CNTN5: variants seen among roughly 807,000 people sequenced by gnomAD.
CNTN5 encodes contactin-5.
In CNTN5, 77 loss-of-function variants were observed where a neutral mutation model predicts 129.1. The ratio of observed to expected loss-of-function variants is 0.60; its 90% CI spans 0.50 to 0.72. CNTN5 has a LOEUF of 0.72. Ranked by LOEUF, CNTN5 falls within the 30% of genes least tolerant of loss-of-function variation. The probability of loss-of-function intolerance (pLI) is 0.00; values close to 1 mark genes in which losing one functional copy is unlikely to be tolerated. For synonymous variants in CNTN5, 509 were observed against 465.6 expected, an observed-to-expected ratio of 1.09 and a Z score of -1.20; for missense variants, 1,478 against 1,328.8, an observed-to-expected ratio of 1.11 and a Z score of -1.75.
At chr11:99,236,608 A>G (rs2135744281) in intron 1 of CNTN5, among the ~76,000 whole-genome samples, 1 of 152,238 alleles carries the variant, frequency 6.6e-6, no homozygotes, top group Middle Eastern at 3.4e-3. Flanking sequence ...TCTCATTGGT[A>G]AAATGCAGAT....
chr11:99,779,362 T>C (rs1945234724), intron 3 of CNTN5, among the ~76,000 whole-genome samples: 2 of 152,006 alleles, frequency 1.3e-5, no homozygotes, highest in Admixed American at 1.3e-4. Context: ...GCAAAGTAGT[T>C]ATAAAATTTG....
In CNTN5 at chr11:100,196,947, C is replaced by T. The variant is rs556058518; in HGVS notation, c.1884+3284C>T. Among the ~76,000 whole-genome samples, 3 of 152,054 alleles carry T rather than the reference C, an allele frequency of 2.0e-5. No homozygotes were observed. In the East Asian group the frequency reaches 5.8e-4, roughly 29 times the overall value. ...AAAATAAAAGGCATAGCCCTTCACA[C>T]CTAAGAGAGCACCATTTAAGGGTAG... On this transcript the variant is annotated intron_variant, in intron 15 of 24. Coordinates refer to ENST00000524871, the MANE Select transcript of CNTN5 (RefSeq NM_014361.4).
chr11:99,952,696 C>A (rs1291481131), intron 7 of CNTN5, among the ~76,000 whole-genome samples: 1 of 151,656 alleles, frequency 6.6e-6, no homozygotes, highest in Non-Finnish European at 1.5e-5. Flanking sequence ...TGTGCCTGGA[C>A]AAAAGTTATA....
chr11:99,232,323 C>T (rs1297246532), intron 1 of CNTN5, among the ~76,000 whole-genome samples: 1 of 152,044 alleles, frequency 6.6e-6, no homozygotes, highest in East Asian at 1.9e-4. Context: ...TCTCTTATTT[C>T]CTTGAGCAGT....
chr11:99,698,969 T>C (rs577023582), intron 3 of CNTN5, among the ~76,000 whole-genome samples: 1 of 150,916 alleles, frequency 6.6e-6, no homozygotes, highest in African/African-American at 2.4e-5. Context: ...GAGCTACTCT[T>C]GTGAGCATAA....
chr11:99,952,435 T>G (rs1950698762), intron 7 of CNTN5, among the ~76,000 whole-genome samples: 1 of 152,166 alleles, frequency 6.6e-6, no homozygotes, highest in South Asian at 2.1e-4. Flanking sequence ...GCTCCTGACA[T>G]ATACTCTCCT....
chr11:99,093,447 T>G (rs1162415117), intron 1 of CNTN5, among the ~76,000 whole-genome samples: 2 of 149,934 alleles, frequency 1.3e-5, no homozygotes, highest in African/African-American at 2.5e-5. Flanking sequence ...GTTTTTCTGT[T>G]TTTTTTTTTA....
At chr11:99,601,321 A>T (rs77074301) in intron 3 of CNTN5, among the ~76,000 whole-genome samples, 2,184 of 152,258 alleles carry the variant, frequency 0.014, 55 homozygotes, top group African/African-American at 0.049. Flanking sequence ...CACTTAGTAA[A>T]TCATCAAACT....
At chr11:99,300,453 A>G (rs1864586815) in intron 1 of CNTN5, among the ~76,000 whole-genome samples, 1 of 151,942 alleles carries the variant, frequency 6.6e-6, no homozygotes, top group Non-Finnish European at 1.5e-5. Context: ...ATCCTTGCAT[A>G]CCTGGAATAA....
At chr11:100,167,459 A>T (rs1208691932) in intron 13 of CNTN5, among the ~76,000 whole-genome samples, 1 of 151,854 alleles carries the variant, frequency 6.6e-6, no homozygotes, top group African/African-American at 2.4e-5. Flanking sequence ...ATCTGGGTCA[A>T]TCCTCATGTT....
At chr11:100,183,642 A>G (rs1212180081) in intron 13 of CNTN5, among the ~76,000 whole-genome samples, 2 of 152,168 alleles carry the variant, frequency 1.3e-5, no homozygotes, top group Non-Finnish European at 2.9e-5. Flanking sequence ...GGGGGAATGC[A>G]AGGGAACACA....
chr11:100,152,700 ACCTG>A, intron 13 of CNTN5, among the ~76,000 whole-genome samples: 1 of 152,248 alleles, frequency 6.6e-6, no homozygotes, highest in African/African-American at 2.4e-5. Flanking sequence ...CAGAAGTATA[ACCTG>A]TATTATTTTT....
intron 1 of CNTN5, among the ~76,000 whole-genome samples, chr11:99,093,657 T>C (rs1866346559): frequency 6.6e-6 from 1 of 152,054 alleles, no homozygotes; most frequent in Non-Finnish European, 1.5e-5. Context: ...GTCAAATGAA[T>C]GCTTTTGTGA....
chr11:99,877,289 T>G (rs1188774136), intron 6 of CNTN5, among the ~76,000 whole-genome samples: 3 of 152,160 alleles, frequency 2.0e-5, no homozygotes, highest in Non-Finnish European at 4.4e-5. Context: ...GGCAGACAGA[T>G]CTATCTTTAA....
chr11:99,759,017 A>G (rs746975952), intron 3 of CNTN5, among the ~76,000 whole-genome samples: 11 of 152,132 alleles, frequency 7.2e-5, no homozygotes, highest in Non-Finnish European at 1.5e-4. Context: ...TGAGGAAATT[A>G]ACACTTATAC....
chr11:99,994,861 C>T (rs1474491254), intron 8 of CNTN5, among the ~76,000 whole-genome samples: 1 of 152,108 alleles, frequency 6.6e-6, no homozygotes, highest in Non-Finnish European at 1.5e-5. Flanking sequence ...AGACCACATC[C>T]TGCTATTCAA....
rs183115961 is a variant in CNTN5, at chr11:99,822,037, G to C, written c.277+2272G>C. Reference sequence around the variant, plus strand: ...TCTTTTTCTCTGACAAGAGTCTGACGTATGGCTTTTGTCAGGTAATTCCCT... The same window carrying C: ...TCTTTTTCTCTGACAAGAGTCTGACCTATGGCTTTTGTCAGGTAATTCCCT... On this transcript the variant is annotated intron_variant, in intron 4 of 24. Transcript: ENST00000524871. Among the ~76,000 whole-genome samples the C allele has an allele frequency of 2.1e-4, 32 of 152,192 alleles. 1 individual carries two copies. The highest frequency in any genetic ancestry group is 3.4e-3 in the Middle Eastern group (1 of 294).
chr11:100,007,369 G>T (rs1215158238), intron 9 of CNTN5, among the ~76,000 whole-genome samples: 1 of 152,034 alleles, frequency 6.6e-6, no homozygotes, highest in Non-Finnish European at 1.5e-5. Flanking sequence ...GTCCTAGGTT[G>T]CATCTTCTTT....
At chr11:99,955,807 G>A (rs943467644) in intron 7 of CNTN5, among the ~76,000 whole-genome samples, 4 of 151,800 alleles carry the variant, frequency 2.6e-5, no homozygotes, top group South Asian at 2.1e-4. Context: ...CTCATGATCC[G>A]CCCGCCTCGG....
Sources: gnomAD v4.1 joint callset for allele counts (sites outside exome capture counted in the v4.1 genomes callset) on GRCh38, gnomAD v4.1.1 for gene constraint, MANE v1.5 for transcripts, NCBI Gene and HGNC (gene_info 2026-07-23, HGNC 2026-07-21) for gene names.